Variants in TM9SF2 observed in about 807,000 individuals in gnomAD.
TM9SF2 encodes the protein transmembrane 9 superfamily member 2.
A neutral mutation model predicts 84.9 loss-of-function variants in TM9SF2; 13 were observed. That is an observed-to-expected ratio of 0.15 (90% CI 0.10 to 0.24). The LOEUF (loss-of-function observed/expected upper bound fraction) is 0.24. TM9SF2 is among the 10% of genes least tolerant of loss of function. TM9SF2 has a pLI of 1.00. For missense variants in TM9SF2, 562 were observed against 818.5 expected (o/e 0.69, Z 3.82); for synonymous variants, 273 against 285.8 (o/e 0.96, Z 0.45).
chr13:99,516,112 T>G (rs1472985460), intron 1 of TM9SF2, among the ~76,000 whole-genome samples: 5 of 152,110 alleles, frequency 3.3e-5, no homozygotes, highest in Admixed American at 3.3e-4. Flanking sequence ...GGTCAAATGT[T>G]TAATAATTTG....
rs1378076367 is a variant in TM9SF2, at chr13:99,560,838, C to T, written c.1924+1304C>T. Among the ~76,000 whole-genome samples, 9 of 152,194 alleles carry T rather than the reference C, an allele frequency of 5.9e-5. No homozygotes were observed. In the South Asian group the frequency reaches 1.0e-3, roughly 18 times the overall value. On this transcript the variant is annotated intron_variant, in intron 16 of 16. Coordinates refer to ENST00000376387, the MANE Select transcript of TM9SF2 (RefSeq NM_004800.3). ...CTGGGACTACAGGCGCCCGCCACTG[C>T]GCCCGGCTAATTTTTTTTATTTTTA...
At chr13:99,544,882 TTTTAAATAAATGTTC>T (rs2046276480) in intron 10 of TM9SF2, among the ~76,000 whole-genome samples, 1 of 152,194 alleles carries the variant, frequency 6.6e-6, no homozygotes, top group African/African-American at 2.4e-5. Flanking sequence ...CAATTTTTTT[TTTTAAATAAATGTTC>T]CTTAGAGGTA....
chr13:99,517,140 G>GCCTTTT (rs2046138187), intron 1 of TM9SF2, among the ~76,000 whole-genome samples: 1 of 151,972 alleles, frequency 6.6e-6, no homozygotes, highest in Non-Finnish European at 1.5e-5. Flanking sequence ...TTAAGACACA[G>GCCTTTT]CCTTGCTCTG....
chr13:99,560,298 C>A (rs2139115556), intron 16 of TM9SF2, among the ~76,000 whole-genome samples: 1 of 152,302 alleles, frequency 6.6e-6, no homozygotes, highest in South Asian at 2.1e-4. Context: ...AACTGTTCTA[C>A]TTTTCACTCA....
chr13:99,547,179 C>G, intron 11 of TM9SF2, 75 bp downstream of exon 11: 1 of 1,586,960 alleles, frequency 6.3e-7, no homozygotes, highest in Non-Finnish European at 8.6e-7. Context: ...ACCTGGGTAT[C>G]AGATGGTGAT....
At chr13:99,528,718 A>C in intron 3 of TM9SF2, among the ~76,000 whole-genome samples, 1 of 152,226 alleles carries the variant, frequency 6.6e-6, no homozygotes, top group East Asian at 1.9e-4. Flanking sequence ...TGGAAATAGC[A>C]ATGCAGACAG....
chr13:99,526,102 A>AT (rs1336284307), intron 3 of TM9SF2, among the ~76,000 whole-genome samples: 1 of 152,176 alleles, frequency 6.6e-6, no homozygotes, highest in Non-Finnish European at 1.5e-5. Flanking sequence ...ATTGCTCCTG[A>AT]TTCCTCAGTG....
At chr13:99,510,958 C>T (rs527880289) in intron 1 of TM9SF2, among the ~76,000 whole-genome samples, 10 of 152,136 alleles carry the variant, frequency 6.6e-5, no homozygotes, top group African/African-American at 1.9e-4. Flanking sequence ...TGTAAATGTT[C>T]TTTGGTTTTC....
At chr13:99,541,251 G>A (rs1237282097) in intron 8 of TM9SF2, among the ~76,000 whole-genome samples, 4 of 152,142 alleles carry the variant, frequency 2.6e-5, no homozygotes, top group Non-Finnish European at 5.9e-5. Context: ...TTTCTTGAGG[G>A]CACAAGCCAG....
At position 99,536,884 on chromosome 13, in the gene TM9SF2, A is replaced by G. The variant is rs1594055207; in HGVS notation, c.591+147A>G. On this transcript the variant is annotated intron_variant, in intron 5 of 16. Coordinates refer to ENST00000376387, the MANE Select transcript of TM9SF2 (RefSeq NM_004800.3). ...ACAACTACTTCAATCTTAAACTTAC[A>G]GCAGATTAATAATGTATAAGTTGAG... is the stretch of plus-strand genomic sequence containing the variant. The G allele has an allele frequency of 1.9e-5, 16 of 833,674 alleles. No individual in the cohort carries two copies. In the East Asian group the frequency reaches 4.5e-4, roughly 24 times the overall value. 51.6% of individuals were successfully genotyped at this position (833,674 alleles called of 1,614,324 possible).
At chr13:99,521,936 G>T (rs913045996) in intron 3 of TM9SF2, among the ~76,000 whole-genome samples, 2 of 152,112 alleles carry the variant, frequency 1.3e-5, no homozygotes, top group Non-Finnish European at 2.9e-5. Context: ...TGAACTTCTG[G>T]CTTCAAGCAA....
At chr13:99,520,794 T>A (rs2046156294) in intron 3 of TM9SF2, among the ~76,000 whole-genome samples, 1 of 152,186 alleles carries the variant, frequency 6.6e-6, no homozygotes, top group South Asian at 2.1e-4. Context: ...GGTCTCAAAC[T>A]CCTGAACTCA....
chr13:99,542,124 C>G (rs1228128946), intron 9 of TM9SF2, among the ~76,000 whole-genome samples: 1 of 148,954 alleles, frequency 6.7e-6, no homozygotes. Flanking sequence ...GCACTCCAGC[C>G]TGGCAACAGA....
chr13:99,554,603 A>G, intron 14 of TM9SF2, 148 bp downstream of exon 14: 3 of 851,432 alleles, frequency 3.5e-6, no homozygotes, highest in Non-Finnish European at 5.2e-6. Context: ...GCTTATTTTT[A>G]TCTTTTCCAT....
chr13:99,506,628 CTA>C (rs2139067871), intron 1 of TM9SF2, among the ~76,000 whole-genome samples: 1 of 152,330 alleles, frequency 6.6e-6, no homozygotes, highest in African/African-American at 2.4e-5. Context: ...CAACAAAAGT[CTA>C]TGAATAAAAT....
chr13:99,561,259 C>A (rs898474398), intron 16 of TM9SF2, among the ~76,000 whole-genome samples: 12 of 152,166 alleles, frequency 7.9e-5, no homozygotes, highest in Admixed American at 3.9e-4. Context: ...TTAAGTCAAT[C>A]CATTTTACAA....
intron 1 of TM9SF2, among the ~76,000 whole-genome samples, chr13:99,507,811 C>G (rs2046094939): frequency 6.6e-6 from 1 of 152,174 alleles, no homozygotes; most frequent in Non-Finnish European, 1.5e-5. Context: ...TGTACAGTCA[C>G]ATCTCTTCAC....
At chr13:99,517,730 G>A (rs764363275) in intron 2 of TM9SF2, 49 bp downstream of exon 2, 2 of 1,342,664 alleles carry the variant, frequency 1.5e-6, no homozygotes, top group Admixed American at 2.3e-5. Flanking sequence ...TGACTCATCA[G>A]AATTTTGTAC....
intron 13 of TM9SF2, among the ~76,000 whole-genome samples, chr13:99,553,745 T>C (rs2046314872): frequency 6.6e-6 from 1 of 152,216 alleles, no homozygotes; most frequent in African/African-American, 2.4e-5. Flanking sequence ...GTTCCAGTGA[T>C]TTTTATACCG....
Sources: gnomAD v4.1 joint callset for allele counts (sites outside exome capture counted in the v4.1 genomes callset) on GRCh38, gnomAD v4.1.1 for gene constraint, MANE v1.5 for transcripts, NCBI Gene and HGNC (gene_info 2026-07-23, HGNC 2026-07-21) for gene names.